The following ENPP6 variants were observed in gnomAD, a reference collection of about 807,000 sequenced individuals.
ENPP6 encodes ectonucleotide pyrophosphatase/phosphodiesterase 6.
Under a neutral mutation model 42.0 loss-of-function variants are expected in ENPP6, and 32 were observed. That is an observed-to-expected ratio of 0.76 (90% CI 0.58 to 1.02). ENPP6 has a LOEUF of 1.02. ENPP6 is among the 50% of genes least tolerant of loss of function. The pLI is 0.00. For missense variants in ENPP6, 552 were observed against 566.8 expected, an observed-to-expected ratio of 0.97 and a Z score of 0.27; for synonymous variants, 213 against 216.0, an observed-to-expected ratio of 0.99 and a Z score of 0.12.
intron 1 of ENPP6, among the ~76,000 whole-genome samples, chr4:184,179,533 C>A (rs553958177): frequency 6.6e-6 from 1 of 152,300 alleles, no homozygotes; most frequent in African/African-American, 2.4e-5. Flanking sequence ...ATCTACAGAA[C>A]TTTCCACTCA....
chr4:184,200,997 C>T (rs1265546769), intron 1 of ENPP6, among the ~76,000 whole-genome samples: 4 of 152,180 alleles, frequency 2.6e-5, no homozygotes, highest in Non-Finnish European at 5.9e-5. Context: ...ATAAGGTGGC[C>T]CACGCATCCT....
chr4:184,108,513 C>T (rs780364318), intron 6 of ENPP6, among the ~76,000 whole-genome samples: 2 of 152,074 alleles, frequency 1.3e-5, no homozygotes, highest in Non-Finnish European at 2.9e-5. Flanking sequence ...AAAGAACAAT[C>T]GAACGATGTC....
intron 1 of ENPP6, among the ~76,000 whole-genome samples, chr4:184,186,036 C>T (rs931883491): frequency 6.6e-6 from 1 of 152,090 alleles, no homozygotes; most frequent in Admixed American, 6.6e-5. Flanking sequence ...CTCAGCTGGT[C>T]CAGCAGAAAC....
At chr4:184,200,123 G>T (rs1451229520) in intron 1 of ENPP6, among the ~76,000 whole-genome samples, 1 of 152,214 alleles carries the variant, frequency 6.6e-6, no homozygotes, top group Non-Finnish European at 1.5e-5. Context: ...CTTAGATGAT[G>T]AGAGCAAACT....
At chr4:184,106,270 G>C (rs1277389685) in intron 6 of ENPP6, among the ~76,000 whole-genome samples, 2 of 151,866 alleles carry the variant, frequency 1.3e-5, no homozygotes, top group East Asian at 3.9e-4. Context: ...CCTGACCTCA[G>C]GTGATCCGCC....
intron 1 of ENPP6, among the ~76,000 whole-genome samples, chr4:184,207,894 G>A (rs1288754214): frequency 6.6e-6 from 1 of 152,216 alleles, no homozygotes; most frequent in African/African-American, 2.4e-5. Flanking sequence ...TCCACCGCCT[G>A]CGAGGGCCGC....
At chr4:184,164,411 CA>C (rs1015753270) in intron 1 of ENPP6, among the ~76,000 whole-genome samples, 9 of 152,088 alleles carry the variant, frequency 5.9e-5, no homozygotes, top group Admixed American at 2.0e-4. Flanking sequence ...CAGATGGCAT[CA>C]AGTTAAAATG....
intron 1 of ENPP6, among the ~76,000 whole-genome samples, chr4:184,157,758 C>T (rs1737196515): frequency 6.7e-6 from 1 of 148,206 alleles, no homozygotes; most frequent in Non-Finnish European, 1.5e-5. Flanking sequence ...CAGGCATGCG[C>T]CACCAAACTT....
At position 184,214,514 on chromosome 4, in the gene ENPP6, C is replaced by G. The variant is rs183336344; in HGVS notation, c.241+3065G>C. Among the ~76,000 whole-genome samples, 666 of 152,218 alleles carry G rather than the reference C, an allele frequency of 4.4e-3. 26 individuals carry two copies. The highest frequency in any genetic ancestry group is 0.04 in the Admixed American group (606 of 15,292). ...TATTTGCATACTTTCTACACGAAGG[C>G]CTCCTAGGAGGGTCCAGCCCTAACT... On this transcript the variant is annotated intron_variant, in intron 1 of 7. Coordinates refer to ENST00000296741, the MANE Select transcript of ENPP6 (RefSeq NM_153343.4).
chr4:184,092,443 A>T (rs115143683), intron 7 of ENPP6, among the ~76,000 whole-genome samples: 2,834 of 152,240 alleles, frequency 0.019, 94 homozygotes, highest in African/African-American at 0.06. Context: ...GAGTGGCCCC[A>T]AGCTCGAGAG....
intron 1 of ENPP6, among the ~76,000 whole-genome samples, chr4:184,192,726 T>C (rs1452173721): frequency 6.6e-6 from 1 of 152,168 alleles, no homozygotes; most frequent in Non-Finnish European, 1.5e-5. Context: ...ATCTAGCATA[T>C]AGAAAGAACT....
chr4:184,210,864 G>T (rs1415358148), intron 1 of ENPP6, among the ~76,000 whole-genome samples: 1 of 152,110 alleles, frequency 6.6e-6, no homozygotes, highest in Admixed American at 6.5e-5. Context: ...AAATGTAAAA[G>T]AACAGAAATT....
intron 6 of ENPP6, among the ~76,000 whole-genome samples, chr4:184,103,662 GT>G (rs1287162307): frequency 6.6e-6 from 1 of 152,240 alleles, no homozygotes; most frequent in African/African-American, 2.4e-5. Context: ...CTCATATTTT[GT>G]GGCATTGCTA....
At chr4:184,140,152 T>C (rs543386695) in intron 2 of ENPP6, among the ~76,000 whole-genome samples, 25 of 152,156 alleles carry the variant, frequency 1.6e-4, no homozygotes, top group African/African-American at 4.8e-4. Flanking sequence ...TGCATAAATG[T>C]CTTCAAATAC....
intron 1 of ENPP6, among the ~76,000 whole-genome samples, chr4:184,210,065 C>T (rs1044244848): frequency 6.6e-6 from 1 of 150,974 alleles, no homozygotes; most frequent in African/African-American, 2.5e-5. Context: ...CAGGCCTGTC[C>T]TAAAAGAGCT....
chr4:184,216,118 C>T (rs1380849780), intron 1 of ENPP6, among the ~76,000 whole-genome samples: 1 of 152,204 alleles, frequency 6.6e-6, no homozygotes, highest in Non-Finnish European at 1.5e-5. Flanking sequence ...CTCTGAAAGA[C>T]AGCTGGAGTG....
intron 1 of ENPP6, among the ~76,000 whole-genome samples, chr4:184,172,770 C>A (rs1472771818): frequency 6.6e-6 from 1 of 152,142 alleles, no homozygotes; most frequent in African/African-American, 2.4e-5. Flanking sequence ...AATGCAATCT[C>A]ACTTTTCTTG....
intron 1 of ENPP6, among the ~76,000 whole-genome samples, chr4:184,170,898 A>C (rs1209554147): frequency 6.6e-6 from 1 of 152,204 alleles, no homozygotes. Flanking sequence ...CATCACCTAC[A>C]TCTGTTCCTT....
chr4:184,201,386 A>C (rs1054098923), intron 1 of ENPP6, among the ~76,000 whole-genome samples: 3 of 152,134 alleles, frequency 2.0e-5, no homozygotes, highest in Non-Finnish European at 4.4e-5. Flanking sequence ...TGATCCTATC[A>C]ATCAACATTG....
Sources: allele counts gnomAD v4.1 joint callset (sites outside exome capture counted in the v4.1 genomes callset), GRCh38; gene constraint gnomAD v4.1.1; transcripts MANE v1.5; gene names NCBI Gene and HGNC (gene_info 2026-07-23, HGNC 2026-07-21).